CNKSR2: variants seen among roughly 807,000 people sequenced by gnomAD.
The protein encoded by CNKSR2 is CNK homolog protein 2.
Under a neutral mutation model 84.4 loss-of-function variants are expected in CNKSR2, and 14 were observed. That is an observed-to-expected ratio of 0.17 (90% CI 0.11 to 0.26). The LOEUF is 0.26. CNKSR2 is among the 10% of genes least tolerant of loss of function. The probability of loss-of-function intolerance (pLI) is 1.00; values close to 1 mark genes in which losing one functional copy is unlikely to be tolerated. For missense variants in CNKSR2, 485 were observed against 771.2 expected (o/e 0.63, Z 4.40); for synonymous variants, 275 against 277.9 (o/e 0.99, Z 0.10).
At chrX:21,464,762 AC>A (rs1299250513) in intron 4 of CNKSR2, among the ~76,000 whole-genome samples, 1 of 111,906 alleles carries the variant, frequency 8.9e-6, no homozygotes, top group Non-Finnish European at 1.9e-5. Context: ...CTTGACTTCA[AC>A]TCTTCCCCAA....
rs2089785580 is a variant in CNKSR2, at chrX:21,374,975, C to G, written c.64+14C>G. Reference sequence around the variant, plus strand: ...ACTGGATGAAAGGTAATGCCCGCTGCGGGGAGGGTGAGGCGGCACTGGGGC... The same window carrying G: ...ACTGGATGAAAGGTAATGCCCGCTGGGGGGAGGGTGAGGCGGCACTGGGGC... On this transcript the variant is annotated intron_variant, in intron 1 of 21. Transcript: ENST00000379510. 1 of 1,190,633 alleles carries G rather than the reference C, an allele frequency of 8.4e-7. No homozygotes were observed. Among genetic ancestry groups the G allele is most frequent in the Non-Finnish European group, 1.1e-6 (1 of 876,984 alleles).
chrX:21,506,637 A>T (rs1417189291), intron 8 of CNKSR2: 1 of 111,708 alleles, frequency 9.0e-6, no homozygotes, highest in East Asian at 2.8e-4. Context: ...AAATTGTATG[A>T]TATCTCAATA....
chrX:21,524,911 G>A (rs1190880556), intron 9 of CNKSR2, among the ~76,000 whole-genome samples: 1 of 111,338 alleles, frequency 9.0e-6, no homozygotes, highest in Non-Finnish European at 1.9e-5. Flanking sequence ...CATTTAAAAA[G>A]CATACTGAAT....
At chrX:21,631,762 A>G (rs1029923204) in intron 20 of CNKSR2, among the ~76,000 whole-genome samples, 1 of 112,463 alleles carries the variant, frequency 8.9e-6, no homozygotes, top group Non-Finnish European at 1.9e-5. Context: ...ATAAAAACTC[A>G]TAATTCTCAC....
intron 13 of CNKSR2, among the ~76,000 whole-genome samples, chrX:21,578,549 GT>G (rs199558488): frequency 0.14 from 11,351 of 82,933 alleles, 771 homozygotes; most frequent in African/African-American, 0.24. Context: ...CTACTTACCT[GT>G]TTTTTTTTTT....
chrX:21,603,573 A>G (rs891438680), intron 18 of CNKSR2, among the ~76,000 whole-genome samples: 7 of 112,703 alleles, frequency 6.2e-5, no homozygotes, highest in Admixed American at 1.9e-4. Flanking sequence ...ATAAAAATTT[A>G]GTGAATTGCT....
intron 9 of CNKSR2, among the ~76,000 whole-genome samples, chrX:21,524,176 G>A (rs1478719395): frequency 9.1e-6 from 1 of 110,467 alleles, no homozygotes; most frequent in Non-Finnish European, 1.9e-5. Flanking sequence ...TTGGTACAAG[G>A]CATACTGATG....
chrX:21,473,737 T>G (rs1397660999), intron 5 of CNKSR2, among the ~76,000 whole-genome samples: 4 of 98,293 alleles, frequency 4.1e-5, no homozygotes, highest in African/African-American at 9.2e-5. Context: ...TTTGTTGTTG[T>G]TGGTTTGGTT....
chrX:21,622,671 C>T (rs921843364), intron 20 of CNKSR2, among the ~76,000 whole-genome samples: 8 of 111,499 alleles, frequency 7.2e-5, no homozygotes, highest in Non-Finnish European at 1.5e-4. Context: ...TGTTGTTCAG[C>T]ATTAGATCCC....
At chrX:21,639,116 G>A (rs1430956858) in intron 20 of CNKSR2, among the ~76,000 whole-genome samples, 2 of 112,351 alleles carry the variant, frequency 1.8e-5, no homozygotes, top group Admixed American at 1.9e-4. Flanking sequence ...CCACTACAAA[G>A]GAGAAGGGTA....
chrX:21,556,258 T>A (rs1031103720), intron 11 of CNKSR2, among the ~76,000 whole-genome samples: 3 of 111,413 alleles, frequency 2.7e-5, no homozygotes, highest in Non-Finnish European at 5.7e-5. Flanking sequence ...GGTACTGCGC[T>A]AAGTGTGGGA....
intron 4 of CNKSR2, chrX:21,441,460 G>A (rs1408187130): frequency 2.7e-5 from 3 of 110,734 alleles, no homozygotes; most frequent in African/African-American, 9.8e-5. Context: ...ATTTAGACTC[G>A]ACTTTTCTCT....
In CNKSR2 at chrX:21,454,463, A is replaced by G. The variant is rs762743171; in HGVS notation, c.519+13682A>G. On this transcript the variant is annotated intron_variant, in intron 4 of 21. Transcript: ENST00000379510. ...TGCACATTTTACTAGACTGTAAACA[A>G]TTTGACGGTAGGAATTATGTATTGT... Among the ~76,000 whole-genome samples the G allele has an allele frequency of 1.1e-4, 12 of 112,456 alleles. No homozygotes were observed. In the South Asian group the frequency reaches 3.7e-3, roughly 34 times the overall value.
rs761693560 is a variant in CNKSR2, at chrX:21,426,522, T to C, written c.90T>C (p.Tyr30=). The part of the protein sequence containing the change: ...MKGLDDCLQQ[Y]IKNFEREKIS... ...GTCTTGATGACTGTTTGCAGCAGTA[T>C]ATTAAGAACTTTGAGAGGGAGAAGA... Residue 30 remains tyrosine (Y), a synonymous_variant, in exon 2 of 22, where the codon TAT becomes TAC. Coordinates refer to ENST00000379510, the MANE Select transcript of CNKSR2 (RefSeq NM_014927.5). 1 of 1,208,951 alleles carries C rather than the reference T, an allele frequency of 8.3e-7. No homozygotes were observed. The highest frequency in any genetic ancestry group is 3.0e-5 in the East Asian group (1 of 33,700).
intron 3 of CNKSR2, among the ~76,000 whole-genome samples, chrX:21,438,128 A>G (rs185560379): frequency 8.9e-6 from 1 of 111,933 alleles, no homozygotes; most frequent in Non-Finnish European, 1.9e-5. Flanking sequence ...TTGTTGTGCA[A>G]ACATCATAGA....
chrX:21,484,816 A>T (rs920836490), intron 5 of CNKSR2, among the ~76,000 whole-genome samples: 4 of 112,028 alleles, frequency 3.6e-5, no homozygotes, highest in Non-Finnish European at 7.5e-5. Context: ...CCAGACTGAC[A>T]TAAGAGTTTT....
At chrX:21,624,761 A>G (rs748616701) in intron 20 of CNKSR2, among the ~76,000 whole-genome samples, 7 of 112,307 alleles carry the variant, frequency 6.2e-5, no homozygotes, top group Non-Finnish European at 9.4e-5. Context: ...TAAGTTTTCT[A>G]TCATGATTGT....
intron 1 of CNKSR2, among the ~76,000 whole-genome samples, chrX:21,377,759 A>T (rs2089839632): frequency 9.0e-6 from 1 of 111,343 alleles, no homozygotes; most frequent in African/African-American, 3.3e-5. Context: ...ATGATTCTAG[A>T]CAATTTGTAG....
chrX:21,519,275 AT>A (rs1388426196), intron 9 of CNKSR2, among the ~76,000 whole-genome samples: 1 of 111,346 alleles, frequency 9.0e-6, no homozygotes, highest in African/African-American at 3.3e-5. Flanking sequence ...TAGATTATAG[AT>A]TTTGGTACAG....
Sources: allele counts gnomAD v4.1 joint callset (sites outside exome capture counted in the v4.1 genomes callset), GRCh38; gene constraint gnomAD v4.1.1; transcripts MANE v1.5; gene names NCBI Gene and HGNC (gene_info 2026-07-23, HGNC 2026-07-21).